Variants in DYNC1I1 observed in about 807,000 individuals in gnomAD.
DYNC1I1 encodes cytoplasmic dynein 1 intermediate chain 1.
DYNC1I1 carries 43 observed loss-of-function variants against 86.6 expected under a neutral mutation model. That is an observed-to-expected ratio of 0.50 (90% CI 0.39 to 0.64). The LOEUF is 0.64. Among genes scored for constraint, DYNC1I1 ranks in the 30% least tolerant of loss-of-function variants. The pLI is 0.00. For missense variants in DYNC1I1, 604 were observed against 788.8 expected, an observed-to-expected ratio of 0.77 and a Z score of 2.81; for synonymous variants, 262 against 283.7, an observed-to-expected ratio of 0.92 and a Z score of 0.77.
chr7:95,978,624 A>G (rs1478220643), intron 7 of DYNC1I1, among the ~76,000 whole-genome samples: 1 of 152,154 alleles, frequency 6.6e-6, no homozygotes. Flanking sequence ...TGTAAATTTT[A>G]AAGATGGTTG....
intron 8 of DYNC1I1, among the ~76,000 whole-genome samples, chr7:95,985,433 A>G (rs1793565672): frequency 6.6e-6 from 1 of 152,180 alleles, no homozygotes; most frequent in East Asian, 1.9e-4. Flanking sequence ...GTATCATGAA[A>G]GTATGCATAT....
chr7:96,013,891 T>C (rs1021670137), intron 10 of DYNC1I1, among the ~76,000 whole-genome samples: 3 of 152,178 alleles, frequency 2.0e-5, no homozygotes, highest in Admixed American at 2.0e-4. Context: ...ATTGTACCCA[T>C]GAAGAAATTA....
intron 6 of DYNC1I1, among the ~76,000 whole-genome samples, chr7:95,938,954 ACACACTG>A (rs1186614749): frequency 6.6e-6 from 1 of 152,152 alleles, no homozygotes; most frequent in Admixed American, 6.5e-5. Context: ...GATTCCCTCT[ACACACTG>A]CTTTGAATGT....
intron 1 of DYNC1I1, among the ~76,000 whole-genome samples, chr7:95,792,298 C>A (rs1433592287): frequency 6.6e-6 from 1 of 152,104 alleles, no homozygotes; most frequent in African/African-American, 2.4e-5. Context: ...CATGGTACCC[C>A]AAAATAAGGC....
intron 14 of DYNC1I1, among the ~76,000 whole-genome samples, chr7:96,072,692 C>G (rs1426242305): frequency 6.6e-6 from 1 of 152,152 alleles, no homozygotes; most frequent in East Asian, 1.9e-4. Flanking sequence ...CAAGCTATAA[C>G]ATGTTTGTGG....
rs562020191 is a variant in DYNC1I1 at position 96,032,583 on chromosome 7, G to A, written c.1117-84G>A. On this transcript the variant is annotated intron_variant, in intron 11 of 16. Transcript: ENST00000447467. Reference sequence around the variant, plus strand: ...AGGATTATGTTACTCTTTAATCCTTGTTTTAGAGTAATGTGTTTGACACTC... The same window carrying A: ...AGGATTATGTTACTCTTTAATCCTTATTTTAGAGTAATGTGTTTGACACTC... 1.4e-5 allele frequency: 15 copies of A among 1,049,256 alleles called. No homozygotes were observed. The African/African-American group carries it at 2.2e-4, about 15-fold the overall frequency. 65.0% of individuals were successfully genotyped at this position (1,049,256 alleles called of 1,614,324 possible). A position where few individuals can be genotyped will look rare whatever the true frequency, so the allele number is the denominator to read the frequency against.
chr7:95,974,661 C>T (rs996857119), intron 6 of DYNC1I1, among the ~76,000 whole-genome samples: 1 of 152,106 alleles, frequency 6.6e-6, no homozygotes, highest in Non-Finnish European at 1.5e-5. Flanking sequence ...TCATATTAAG[C>T]ATTGCCGGCC....
intron 10 of DYNC1I1, among the ~76,000 whole-genome samples, chr7:95,996,313 A>G (rs1411801517): frequency 6.6e-6 from 1 of 152,198 alleles, no homozygotes; most frequent in African/African-American, 2.4e-5. Context: ...AACAGCCCCC[A>G]TGAGGATGAG....
chr7:95,828,903 G>T (rs1344319650), intron 5 of DYNC1I1, among the ~76,000 whole-genome samples: 1 of 152,100 alleles, frequency 6.6e-6, no homozygotes, highest in Non-Finnish European at 1.5e-5. Flanking sequence ...AGCTGATTGC[G>T]CATTTCTCTT....
At chr7:95,825,403 G>A (rs967435543) in intron 4 of DYNC1I1, among the ~76,000 whole-genome samples, 1 of 152,170 alleles carries the variant, frequency 6.6e-6, no homozygotes, top group Non-Finnish European at 1.5e-5. Context: ...TCCTTGCAAG[G>A]AAAGCTTCTT....
chr7:95,847,703 A>T (rs1039768129), intron 5 of DYNC1I1, among the ~76,000 whole-genome samples: 2 of 152,128 alleles, frequency 1.3e-5, no homozygotes, highest in Non-Finnish European at 2.9e-5. Context: ...CTCAAATCAA[A>T]ACTTATATTC....
chr7:95,905,744 C>T (rs1000645486), intron 6 of DYNC1I1, among the ~76,000 whole-genome samples: 1 of 151,696 alleles, frequency 6.6e-6, no homozygotes, highest in Admixed American at 6.6e-5. Flanking sequence ...CCTGTCAACA[C>T]TGTGAGCAGA....
chr7:95,894,737 C>T (rs116582668), intron 6 of DYNC1I1, among the ~76,000 whole-genome samples: 10,343 of 152,206 alleles, frequency 0.068, 459 homozygotes, highest in African/African-American at 0.13. Flanking sequence ...ATCTGTGCTT[C>T]GGGATTCAAT....
At chr7:95,879,301 A>C (rs1029035080) in intron 6 of DYNC1I1, among the ~76,000 whole-genome samples, 4 of 152,252 alleles carry the variant, frequency 2.6e-5, no homozygotes, top group African/African-American at 9.6e-5. Context: ...AACTTATAGA[A>C]AGGTAATATA....
At chr7:95,803,659 G>T (rs1794635434) in intron 1 of DYNC1I1, among the ~76,000 whole-genome samples, 2 of 152,072 alleles carry the variant, frequency 1.3e-5, no homozygotes, top group African/African-American at 4.8e-5. Flanking sequence ...CCATTGCTCT[G>T]TCATCTACTT....
intron 10 of DYNC1I1, among the ~76,000 whole-genome samples, chr7:96,002,817 GT>G (rs779527763): frequency 7.6e-4 from 113 of 149,092 alleles, no homozygotes; most frequent in African/African-American, 1.0e-3. Flanking sequence ...TTTGGTTTTG[GT>G]TTTTTTTTGG....
At chr7:95,818,735 C>T in intron 4 of DYNC1I1, 1 of 422,362 alleles carries the variant, frequency 2.4e-6, no homozygotes, top group Admixed American at 3.9e-5. Flanking sequence ...ATAAAAACAT[C>T]ATGTTTCCAC....
At chr7:95,978,823 A>C (rs950405805) in intron 7 of DYNC1I1, among the ~76,000 whole-genome samples, 5 of 151,732 alleles carry the variant, frequency 3.3e-5, no homozygotes, top group African/African-American at 1.2e-4. Context: ...TTTGAGACAG[A>C]GTCTCACTCT....
rs186296758 is a variant in DYNC1I1, at chr7:96,104,904, A to G, written c.1543-5075A>G. On this transcript the variant is annotated intron_variant, in intron 16 of 16. Transcript: ENST00000537881. ...TTTAGAATGATTGTGGAATTCTTTT[A>G]AAAAAACATACTGCTTGGATTTTGA... Among the ~76,000 whole-genome samples, 3 of 152,210 alleles carry G rather than the reference A, an allele frequency of 2.0e-5. No individual in the cohort carries two copies. In the East Asian group the frequency reaches 5.8e-4, roughly 29 times the overall value.
Sources: gnomAD v4.1 joint callset for allele counts (sites outside exome capture counted in the v4.1 genomes callset) on GRCh38, gnomAD v4.1.1 for gene constraint, MANE v1.5 for transcripts, NCBI Gene and HGNC (gene_info 2026-07-23, HGNC 2026-07-21) for gene names.